RBFOX1: variants seen among roughly 807,000 people sequenced by gnomAD.
RBFOX1 encodes RNA binding fox-1 homolog 1, also known as RNA binding protein fox-1 homolog 1.
Under a neutral mutation model 57.7 loss-of-function variants are expected in RBFOX1, and 8 were observed. The ratio of observed to expected loss-of-function variants is 0.14; its 90% confidence interval spans 0.08 to 0.25. RBFOX1 has a LOEUF of 0.25. Among genes scored for constraint, RBFOX1 ranks in the 10% least tolerant of loss-of-function variants. The probability of loss-of-function intolerance (pLI) is 1.00; values close to 1 mark genes in which losing one functional copy is unlikely to be tolerated. For missense variants in RBFOX1, 611 were observed against 548.5 expected (o/e 1.11, Z -1.14); for synonymous variants, 326 against 222.4 (o/e 1.47, Z -4.15).
At chr16:6,894,787 CCT>C (rs1278571586) in intron 3 of RBFOX1, among the ~76,000 whole-genome samples, 5 of 151,998 alleles carry the variant, frequency 3.3e-5, no homozygotes, top group Non-Finnish European at 5.9e-5. Context: ...AGCCATTTTC[CCT>C]GTGTTTGTAA....
chr16:6,789,464 C>G (rs2082532332), intron 3 of RBFOX1, among the ~76,000 whole-genome samples: 1 of 152,058 alleles, frequency 6.6e-6, no homozygotes, highest in South Asian at 2.1e-4. Flanking sequence ...CTAATGGTGT[C>G]AAGTTGGTAT....
intron 3 of RBFOX1, among the ~76,000 whole-genome samples, chr16:5,665,272 C>G (rs74004468): frequency 0.039 from 5,886 of 152,224 alleles, 384 homozygotes; most frequent in African/African-American, 0.13. Context: ...TGTCTCAGAG[C>G]CTTTGCATCC....
intron 2 of RBFOX1, among the ~76,000 whole-genome samples, chr16:5,538,881 C>T (rs1416033977): frequency 6.6e-6 from 1 of 152,112 alleles, no homozygotes; most frequent in African/African-American, 2.4e-5. Context: ...CCACCTCAGC[C>T]AGTGGCTCCG....
chr16:6,894,726 G>C (rs947118615), intron 3 of RBFOX1, among the ~76,000 whole-genome samples: 14 of 152,082 alleles, frequency 9.2e-5, no homozygotes, highest in African/African-American at 3.4e-4. Flanking sequence ...TTGTAAAAAG[G>C]TTACCAACAG....
intron 3 of RBFOX1, among the ~76,000 whole-genome samples, chr16:6,677,829 C>A (rs1047181837): frequency 6.6e-6 from 1 of 152,054 alleles, no homozygotes; most frequent in Admixed American, 6.5e-5. Context: ...ATGTATCTAC[C>A]AGTGACTTTT....
chr16:5,592,990 G>A (rs984418316), intron 2 of RBFOX1, among the ~76,000 whole-genome samples: 1 of 152,176 alleles, frequency 6.6e-6, no homozygotes, highest in Non-Finnish European at 1.5e-5. Flanking sequence ...TTCCCAGATG[G>A]TTAAGGCATT....
At chr16:5,514,916 G>C (rs2043734730) in intron 2 of RBFOX1, among the ~76,000 whole-genome samples, 1 of 152,290 alleles carries the variant, frequency 6.6e-6, no homozygotes, top group South Asian at 2.1e-4. Flanking sequence ...TGGTTCTGCA[G>C]GTTGGAAAGA....
At chr16:7,361,357 G>C (rs987181750) in intron 4 of RBFOX1, among the ~76,000 whole-genome samples, 3 of 152,188 alleles carry the variant, frequency 2.0e-5, no homozygotes, top group Admixed American at 6.5e-5. Context: ...TTTGCATTAA[G>C]CAGATGTTTG....
At chr16:5,291,786 C>T (rs1213447552) in intron 1 of RBFOX1, among the ~76,000 whole-genome samples, 3 of 145,308 alleles carry the variant, frequency 2.1e-5, no homozygotes, top group African/African-American at 7.6e-5. Flanking sequence ...GAGCAGTGAA[C>T]GGATCTGAGA....
At chr16:7,229,762 GAGGAAGGGAGAGAGAGGAAGGA>G in intron 4 of RBFOX1, among the ~76,000 whole-genome samples, 1 of 55,836 alleles carries the variant, frequency 1.8e-5, no homozygotes, top group Non-Finnish European at 3.3e-5. Flanking sequence ...GAGAGAGAGG[GAGGAAGGGAGAGAGAGGAAGGA>G]AGGGAGAGAG....
intron 2 of RBFOX1, among the ~76,000 whole-genome samples, chr16:5,503,029 C>A (rs1567169736): frequency 6.6e-6 from 1 of 152,220 alleles, no homozygotes; most frequent in Non-Finnish European, 1.5e-5. Context: ...TTCCCTGGGG[C>A]TTTTCAGATG....
intron 4 of RBFOX1, among the ~76,000 whole-genome samples, chr16:7,146,549 C>A (rs1262900249): frequency 2.0e-5 from 3 of 152,154 alleles, no homozygotes; most frequent in Admixed American, 6.6e-5. Flanking sequence ...GTATTTCTTT[C>A]AGGTCTTCTT....
chr16:7,330,271 A>G (rs866138454), intron 4 of RBFOX1, among the ~76,000 whole-genome samples: 15 of 151,990 alleles, frequency 9.9e-5, no homozygotes, highest in African/African-American at 3.4e-4. Context: ...AATCGTCTTT[A>G]GATTACTTCT....
At chr16:6,005,307 T>G (rs898588035) in intron 4 of RBFOX1, among the ~76,000 whole-genome samples, 2 of 152,210 alleles carry the variant, frequency 1.3e-5, no homozygotes, top group Non-Finnish European at 2.9e-5. Context: ...TCTTGGATAA[T>G]GTTTCATAAG....
intron 3 of RBFOX1, among the ~76,000 whole-genome samples, chr16:5,711,499 T>C (rs1003889893): frequency 2.6e-5 from 4 of 152,178 alleles, no homozygotes; most frequent in East Asian, 3.9e-4. Flanking sequence ...GAAGTGACAG[T>C]TGGGGTGCGA....
intron 4 of RBFOX1, among the ~76,000 whole-genome samples, chr16:7,239,975 A>T (rs1303800137): frequency 2.0e-5 from 3 of 152,034 alleles, no homozygotes; most frequent in Non-Finnish European, 4.4e-5. Flanking sequence ...GATGATGGTG[A>T]CGATTATTTG....
At position 6,842,318 on chromosome 16, in the gene RBFOX1, G is replaced by C. The variant is rs1050832278; in HGVS notation, c.-16+187668G>C. ...TTTCTTAATTATTTTTTTCTGATCA[G>C]AGAAACAACACATACACATCTTTGG... On this transcript the variant is annotated intron_variant, in intron 3 of 15. Transcript: ENST00000550418. Among the ~76,000 whole-genome samples, 11 of 152,068 alleles carry C rather than the reference G, an allele frequency of 7.2e-5. No homozygotes were observed. The East Asian group carries it at 9.7e-4, about 13-fold the overall frequency.
At chr16:5,475,719 T>C (rs2151631351) in intron 2 of RBFOX1, among the ~76,000 whole-genome samples, 1 of 152,332 alleles carries the variant, frequency 6.6e-6, no homozygotes, top group Non-Finnish European at 1.5e-5. Flanking sequence ...AGGTGAGTCT[T>C]TGAGGTTTCA....
At chr16:5,571,963 G>C (rs2046298942) in intron 2 of RBFOX1, among the ~76,000 whole-genome samples, 1 of 152,164 alleles carries the variant, frequency 6.6e-6, no homozygotes, top group Non-Finnish European at 1.5e-5. Flanking sequence ...TTAAGATAAT[G>C]GACCTTTTCT....
Sources: allele counts gnomAD v4.1 joint callset (sites outside exome capture counted in the v4.1 genomes callset), GRCh38; gene constraint gnomAD v4.1.1; transcripts MANE v1.5; gene names NCBI Gene and HGNC (gene_info 2026-07-23, HGNC 2026-07-21).